The following SFI1 variants were observed in gnomAD, a reference collection of about 807,000 sequenced individuals.
The protein encoded by SFI1 is protein SFI1 homolog.
In SFI1, 195 loss-of-function variants were observed where a neutral mutation model predicts 207.5. The ratio of observed to expected loss-of-function variants is 0.94; its 90% confidence interval spans 0.84 to 1.06. SFI1 has a LOEUF of 1.06. Among genes scored for constraint, SFI1 ranks in the 50% least tolerant of loss-of-function variants. The pLI, the probability that SFI1 is intolerant of heterozygous loss-of-function variation, is 0.00. For synonymous variants in SFI1, 630 were observed against 598.9 expected, an observed-to-expected ratio of 1.05 and a Z score of -0.76; for missense variants, 1,634 against 1,588.0, an observed-to-expected ratio of 1.03 and a Z score of -0.49.
intron 8 of SFI1, among the ~76,000 whole-genome samples, chr22:31,567,929 C>G (rs1224828988): frequency 3.9e-5 from 6 of 152,058 alleles, no homozygotes; most frequent in Non-Finnish European, 5.9e-5. Context: ...TAATGAACTG[C>G]TAAGAAATCT....
rs967006060 is a variant in SFI1 at position 31,528,701 on chromosome 22, A to G, written c.104A>G (p.Asp35Gly). The G allele has an allele frequency of 2.5e-6, 4 of 1,613,620 alleles. No homozygotes were observed. In the African/African-American group the frequency reaches 5.3e-5, roughly 22 times the overall value. The change falls in exon 3 of 33, where the codon GAT becomes GGT. Residue 35 changes from aspartate to glycine, a missense_variant. Physicochemically the swap from Asp to Gly is moderately conservative, Grantham distance 94. Coordinates refer to ENST00000400288, the MANE Select transcript of SFI1 (RefSeq NM_001007467.3). Reference sequence around the variant, plus strand: ...TCCTCAAATTTAAGGTATTTTAAGGATGGTGCAGTTAAGAAACCTTATTCT... The same window carrying G: ...TCCTCAAATTTAAGGTATTTTAAGGGTGGTGCAGTTAAGAAACCTTATTCT... ...EKKVDSRYFK[D>G]GAVKKPYSAK...
intron 6 of SFI1, chr22:31,550,826 T>C (rs2060556439): frequency 6.5e-6 from 1 of 153,170 alleles, no homozygotes; most frequent in Non-Finnish European, 1.5e-5. Context: ...ATGGAGAGTC[T>C]AAGGGAAAAA....
At position 31,593,076 on chromosome 22, in the gene SFI1, C is replaced by CG. The variant is rs1281764578; in HGVS notation, c.1544+3506dup. 3.1e-5 allele frequency among the ~76,000 whole-genome samples: 4 copies of CG among 131,004 alleles called. No homozygotes were observed. The South Asian group carries it at 1.1e-3, about 35-fold the overall frequency. 85.9% of individuals were successfully genotyped at this position (131,004 alleles called of 152,430 possible). On this transcript the variant is annotated intron_variant, in intron 15 of 32. Transcript: ENST00000400288. ...CTCCCGGACGGCACGGCTGGCCGGG[C>CG]GGGGGGGCTGACCCCCCACCTCCCT...
In SFI1 at chr22:31,528,811, C is replaced by T. The variant is rs267606227; in HGVS notation, c.214C>T (p.Arg72Cys). 24 of 1,614,116 alleles carry T rather than the reference C, an allele frequency of 1.5e-5. No individual in the cohort carries two copies. Among genetic ancestry groups the T allele is most frequent in the South Asian group, 1.4e-4 (13 of 91,086 alleles). The change falls in exon 3 of 33, where the codon CGT becomes TGT. Residue 72 changes from arginine to cysteine, a missense_variant. Coordinates refer to ENST00000400288, the MANE Select transcript of SFI1 (RefSeq NM_001007467.3). ...LPSTSHLVQYRGTHTCTRQGR... is the reference protein window; with the variant it reads ...LPSTSHLVQYCGTHTCTRQGR... ...TAGTACCAGTCATCTAGTGCAGTAT[C>T]GTGGCACACATACTTGTACCCGACA...
chr22:31,541,918 T>C lies in SFI1; in HGVS notation c.339-4943T>C, dbSNP rs9621277. On this transcript the variant is annotated intron_variant, in intron 4 of 32. Coordinates refer to ENST00000400288, the MANE Select transcript of SFI1 (RefSeq NM_001007467.3). ...GAGATCAAGACCATCCTGGCTAACA[T>C]GGTGAAACCCCGTCTCTACTAAAAA... Among the ~76,000 whole-genome samples, 1,201 of 151,344 alleles carry C rather than the reference T, an allele frequency of 7.9e-3. 21 individuals carry two copies. The highest frequency in any genetic ancestry group is 0.025 in the African/African-American group (1,025 of 41,228).
chr22:31,567,920 A>G (rs1372462554), intron 8 of SFI1, among the ~76,000 whole-genome samples: 2 of 152,172 alleles, frequency 1.3e-5, no homozygotes, highest in African/African-American at 4.8e-5. Context: ...AAAAGGACGT[A>G]ATGAACTGCT....
chr22:31,608,896 C>T (rs1049115738), intron 22 of SFI1, among the ~76,000 whole-genome samples: 2 of 152,208 alleles, frequency 1.3e-5, no homozygotes, highest in East Asian at 2.0e-4. Context: ...GTCCCAGCTA[C>T]TTGGGAGCCT....
Position 31,568,226 on chromosome 22 carries a change from ATT to A in SFI1, c.766-4820_766-4819del, listed in dbSNP as rs373038766. On this transcript the variant is annotated intron_variant, in intron 8 of 32. Coordinates refer to ENST00000400288, the MANE Select transcript of SFI1 (RefSeq NM_001007467.3). ...TGTGTGTGTGTATATATATATATAT[ATT>A]TTTTTTTTTTTACCATAAATGCATT... 2.4e-3 allele frequency among the ~76,000 whole-genome samples: 267 copies of A among 111,944 alleles called. 3 individuals carry two copies. In the East Asian group the frequency reaches 0.037, roughly 16 times the overall value. 73.4% of individuals were successfully genotyped at this position (111,944 alleles called of 152,430 possible). A position where few individuals can be genotyped will look rare whatever the true frequency, so the allele number is the denominator to read the frequency against.
intron 8 of SFI1, among the ~76,000 whole-genome samples, chr22:31,570,928 G>A (rs1376960356): frequency 6.6e-6 from 1 of 152,208 alleles, no homozygotes; most frequent in African/African-American, 2.4e-5. Flanking sequence ...CAGGTCAAGG[G>A]AGGTGAGGAC....
chr22:31,611,481 G>A (rs1480926096), intron 23 of SFI1, among the ~76,000 whole-genome samples, 178 bp downstream of exon 23: 4 of 152,226 alleles, frequency 2.6e-5, no homozygotes, highest in African/African-American at 4.8e-5. Context: ...GGCGTTTGGT[G>A]GAGCCTAGCG....
intron 15 of SFI1, among the ~76,000 whole-genome samples, chr22:31,599,780 T>C (rs1392127970): frequency 6.6e-6 from 1 of 151,716 alleles, no homozygotes; most frequent in African/African-American, 2.4e-5. Context: ...CTGGCCCAGT[T>C]CTGTTTAGAA....
At chr22:31,599,044 G>A (rs1316611132) in intron 15 of SFI1, among the ~76,000 whole-genome samples, 5 of 151,256 alleles carry the variant, frequency 3.3e-5, no homozygotes, top group Non-Finnish European at 7.4e-5. Flanking sequence ...CGCCCGCCTC[G>A]GCCTCCCAAA....
At position 31,525,386 on chromosome 22, in the gene SFI1, T is replaced by C. The variant is rs188460662; in HGVS notation, c.93-3304T>C. Among the ~76,000 whole-genome samples the C allele has an allele frequency of 5.8e-4, 89 of 152,198 alleles. 1 individual carries two copies. Among genetic ancestry groups the C allele is most frequent in the African/African-American group, 2.1e-3 (88 of 41,542 alleles). On this transcript the variant is annotated intron_variant, in intron 2 of 32. Transcript: ENST00000400288. ...TAGATACTCACTTTTCCCAGCACCA[T>C]TTATTAAGGAGGGTGTCCTTTCCCC...
intron 5 of SFI1, among the ~76,000 whole-genome samples, chr22:31,548,531 T>C (rs1330171629): frequency 3.3e-5 from 5 of 149,784 alleles, no homozygotes; most frequent in Non-Finnish European, 4.4e-5. Context: ...TAGTACCAGC[T>C]ACTCGGAAGG....
rs140419326 is a variant in SFI1 at position 31,586,690 on chromosome 22, CTA to C, written c.1413+1558_1413+1559del. 5.8e-3 allele frequency among the ~76,000 whole-genome samples: 879 copies of C among 152,298 alleles called. 11 individuals carry two copies. Among genetic ancestry groups the C allele is most frequent in the African/African-American group, 0.02 (826 of 41,578 alleles). On this transcript the variant is annotated intron_variant, in intron 14 of 32. Coordinates refer to ENST00000400288, the MANE Select transcript of SFI1 (RefSeq NM_001007467.3). ...TGCAGGAAAGCCTTTCAGAAAAAGA[CTA>C]TGAGTGTCAGAGTTGAAAGGTTGTA...
At chr22:31,559,628 G>A (rs1323133991) in intron 7 of SFI1, 4 of 706,750 alleles carry the variant, frequency 5.7e-6, no homozygotes, top group East Asian at 2.7e-5. Context: ...GAAAGCTGAC[G>A]TTGACCTCAC....
chr22:31,594,854 CAA>C (rs67157514), intron 15 of SFI1, among the ~76,000 whole-genome samples: 7 of 76,770 alleles, frequency 9.1e-5, no homozygotes, highest in South Asian at 1.0e-3. Flanking sequence ...GACTCTGTCT[CAA>C]AAAAAAAAAA....
intron 4 of SFI1, among the ~76,000 whole-genome samples, chr22:31,543,381 A>T (rs970270670): frequency 7.9e-5 from 12 of 152,228 alleles, no homozygotes; most frequent in African/African-American, 2.2e-4. Flanking sequence ...GAAAATGAGC[A>T]CATGGCATTG....
rs1214039120 is a variant in SFI1, at chr22:31,613,344, C to A, written c.2566-10C>A. 1.1e-5 allele frequency: 17 copies of A among 1,604,190 alleles called. No homozygotes were observed. The Admixed American group carries it at 2.5e-4, about 24-fold the overall frequency. On this transcript the variant is annotated splice_polypyrimidine_tract_variant and intron_variant, in intron 25 of 32. Coordinates refer to ENST00000400288, the MANE Select transcript of SFI1 (RefSeq NM_001007467.3). ...GGAGACCTGGGCCTCACCTCCTGCC[C>A]TCCCTGGAGGTGTGGGCCACGTGGC... is the stretch of plus-strand genomic sequence containing the variant.
Sources: gnomAD v4.1 joint callset for allele counts (sites outside exome capture counted in the v4.1 genomes callset) on GRCh38, gnomAD v4.1.1 for gene constraint, MANE v1.5 for transcripts, NCBI Gene and HGNC (gene_info 2026-07-23, HGNC 2026-07-21) for gene names.